Variants in FAT1 observed in about 807,000 individuals in gnomAD.
FAT1 encodes the protein FAT atypical cadherin 1.
In FAT1, 171 loss-of-function variants were observed where a neutral mutation model predicts 329.8. The observed-to-expected ratio is 0.52, with a 90% CI of 0.46 to 0.59. The LOEUF is 0.59. Ranked by LOEUF, FAT1 falls within the 20% of genes least tolerant of loss-of-function variation. The pLI, the probability that FAT1 is intolerant of heterozygous loss-of-function variation, is 0.00. For missense variants in FAT1, 5,672 were observed against 5,774.4 expected (o/e 0.98, Z 0.57); for synonymous variants, 2,233 against 2,228.6 (o/e 1.00, Z -0.06).
In FAT1 at chr4:186,702,387, C is replaced by T. The variant is rs186267890; in HGVS notation, c.3265+4176G>A. On this transcript the variant is annotated intron_variant, in intron 2 of 26. Coordinates refer to ENST00000441802, the MANE Select transcript of FAT1 (RefSeq NM_005245.4). ...TTATCTTAATGAAAAACACGGGCTC[C>T]CCAAATAAGTAGAGTCAGAAGGGGA... 2.0e-5 allele frequency among the ~76,000 whole-genome samples: 3 copies of T among 152,236 alleles called. No homozygotes were observed. In the East Asian group the frequency reaches 5.8e-4, roughly 29 times the overall value.
At chr4:186,597,272 C>CT in intron 24 of FAT1, 101 bp from the exon 25 acceptor site, 1 of 1,270,104 alleles carries the variant, frequency 7.9e-7, no homozygotes, top group South Asian at 1.6e-5. Context: ...CCTTGATGAG[C>CT]TATGTGAAGA....
chr4:186,641,359 A>C (rs1298432660), intron 3 of FAT1, among the ~76,000 whole-genome samples: 2 of 152,222 alleles, frequency 1.3e-5, no homozygotes, highest in African/African-American at 4.8e-5. Flanking sequence ...GCACAAGCTT[A>C]ATTTTCATTA....
chr4:186,597,332 G>C, intron 24 of FAT1, 161 bp from the exon 25 acceptor site: 7 of 724,336 alleles, frequency 9.7e-6, no homozygotes, highest in Admixed American at 3.3e-5. Context: ...ACAACCACGA[G>C]AAAAGACCTT....
At chr4:186,609,352 A>C (rs750032507) in intron 15 of FAT1, 32 bp from the exon 16 acceptor site, 1 of 1,603,560 alleles carries the variant, frequency 6.2e-7, no homozygotes, top group South Asian at 1.1e-5. Context: ...TTTAGGAGAC[A>C]GCTAAGAAGA....
At position 186,614,181 on chromosome 4, in the gene FAT1, C is replaced by T; in HGVS notation, c.9229+10G>A. The T allele has an allele frequency of 6.3e-7, 1 of 1,587,234 alleles. No homozygotes were observed. Among genetic ancestry groups the T allele is most frequent in the Non-Finnish European group, 8.5e-7 (1 of 1,171,534 alleles). On this transcript the variant is annotated intron_variant, in intron 12 of 26. Transcript: ENST00000441802. ...TATACAATTTATTTTGTCCCAAACT[C>T]CATCATTACCTGTGTCTGGATTTAG...
chr4:186,715,738 G>T (rs1745179389), intron 1 of FAT1, among the ~76,000 whole-genome samples: 1 of 152,168 alleles, frequency 6.6e-6, no homozygotes, highest in Non-Finnish European at 1.5e-5. Context: ...TAAACTCACT[G>T]CAATTTGGGA....
At position 186,636,765 on chromosome 4, in the gene FAT1, T is replaced by G. The variant is rs1412010900; in HGVS notation, c.3792A>C (p.Arg1264Ser). Residue 1264 changes from arginine to serine, a missense_variant, in exon 5 of 27, where the codon AGA becomes AGC. This residue lies in a region of FAT1 where 3,966 missense variants were observed against 3,915.2 expected (regional missense o/e 1.01). Coordinates refer to ENST00000441802, the MANE Select transcript of FAT1 (RefSeq NM_005245.4). ...LPEREKPDRE[R>S]NARREPLYHV... ...GATAGAGCGGCTCCCGTCTGGCATT[T>G]CTTTCTCGGTCTGGCTTTTCCCGCT... is the stretch of plus-strand genomic sequence containing the variant. 1 of 1,613,868 alleles carries G rather than the reference T, an allele frequency of 6.2e-7. No homozygotes were observed. The highest frequency in any genetic ancestry group is 8.5e-7 in the Non-Finnish European group (1 of 1,179,892).
At chr4:186,725,683 C>G (rs1745695948), upstream of FAT1, among the ~76,000 whole-genome samples, 1 of 152,062 alleles carries the variant, frequency 6.6e-6, no homozygotes, top group Admixed American at 6.6e-5. The surrounding 1 kb of genome is among the most constrained non-coding windows in gnomAD (Gnocchi z 5.4). Context: ...TACCACAAAT[C>G]GAATTATTTT....
Position 186,646,004 on chromosome 4 carries a change from C to CACACACACACACACAT in FAT1, c.3581-6222_3581-6221insATGTGTGTGTGTGTGT, listed in dbSNP as rs1491403367. On this transcript the variant is annotated intron_variant, in intron 3 of 26. Transcript: ENST00000441802. ...ACACACACACACACACACACACACA[C>CACACACACACACACAT]ATGAAAGATGGCAGCTAGAAAAGGA... Among the ~76,000 whole-genome samples the CACACACACACACACAT allele has an allele frequency of 1.0e-3, 138 of 135,014 alleles. 2 individuals carry two copies. The highest frequency in any genetic ancestry group is 3.5e-3 in the African/African-American group (124 of 35,594). The allele number at this position is 135,014 out of a possible 152,430, so 88.6% of individuals were successfully genotyped here. A position where few individuals can be genotyped will look rare whatever the true frequency, so the allele number is the denominator to read the frequency against.
intron 6 of FAT1, 137 bp downstream of exon 6, chr4:186,635,884 TTATA>T: frequency 8.5e-6 from 6 of 701,828 alleles, no homozygotes; most frequent in East Asian, 2.7e-5. Context: ...AATCAAAATA[TTATA>T]GTTGAAAGCA....
chr4:186,679,873 A>G (rs1415305550), intron 2 of FAT1, among the ~76,000 whole-genome samples: 1 of 152,206 alleles, frequency 6.6e-6, no homozygotes, highest in Non-Finnish European at 1.5e-5. Context: ...TTGCTGTAGC[A>G]GGCTATTTGT....
chr4:186,632,011 T>C (rs769329102), intron 7 of FAT1, among the ~76,000 whole-genome samples: 101 of 152,222 alleles, frequency 6.6e-4, no homozygotes, highest in Non-Finnish European at 1.2e-3. Flanking sequence ...TCTCTTATAG[T>C]CCGACTGCCT....
chr4:186,591,089 A>G (rs1738219740), intron 26 of FAT1, among the ~76,000 whole-genome samples: 1 of 152,166 alleles, frequency 6.6e-6, no homozygotes, highest in Non-Finnish European at 1.5e-5. Context: ...TCCCACTATC[A>G]GTTAGGGCCA....
At chr4:186,670,862 C>T (rs965834334) in intron 2 of FAT1, among the ~76,000 whole-genome samples, 1 of 152,030 alleles carries the variant, frequency 6.6e-6, no homozygotes, top group African/African-American at 2.4e-5. Flanking sequence ...GAGCTTGGAC[C>T]ACAGAAGGCA....
rs1738914441 is a variant in FAT1 at position 186,603,350 on chromosome 4, T to C, written c.11176A>G (p.Ile3726Val). ...NSSVTDIEEI[I>V]GVRILNVFQK... Reference sequence around the variant, plus strand: ...AATACATTCAGTATCCTAACTCCAATGATTTCCTCAATGTCAGTCACGGAA... The same window carrying C: ...AATACATTCAGTATCCTAACTCCAACGATTTCCTCAATGTCAGTCACGGAA... The change falls in exon 19 of 27, where the codon ATT becomes GTT. Residue 3726 changes from isoleucine (I) to valine (V), a missense_variant. Ile to Val is a conservative substitution (Grantham distance 29). Transcript: ENST00000441802. 1.2e-6 allele frequency: 2 copies of C among 1,614,038 alleles called. No individual in the cohort carries two copies. Among genetic ancestry groups the C allele is most frequent in the Non-Finnish European group, 1.7e-6 (2 of 1,179,896 alleles).
rs920273079 is a variant in FAT1 at position 186,708,404 on chromosome 4, T to G, written c.1424A>C (p.Asn475Thr). 1.9e-6 allele frequency: 3 copies of G among 1,613,954 alleles called. No individual in the cohort carries two copies. The African/African-American group carries it at 4.0e-5, about 22-fold the overall frequency. ...CATGACAGTAGTACCAATGGGCACG[T>G]TCTCATCAAAAGCAGCTTTGTACGC... ...QTAYKAAFDE[N>T]VPIGTTVMSL... The change falls in exon 2 of 27, where the codon AAC (asparagine) becomes ACC (threonine). Residue 475 changes from asparagine (N) to threonine (T), a missense_variant. Asn to Thr is a moderately conservative substitution (Grantham distance 65). Around this residue, in one of 2 missense-constraint regions of FAT1, gnomAD observed 3,966 missense variants for 3,915.2 expected, o/e 1.01. Transcript: ENST00000441802.
At chr4:186,624,408 C>T (rs1415750284) in intron 9 of FAT1, among the ~76,000 whole-genome samples, 1 of 152,178 alleles carries the variant, frequency 6.6e-6, no homozygotes, top group African/African-American at 2.4e-5. Context: ...CGTTGACTCT[C>T]AAGGCAATTA....
rs796166379 is a variant in FAT1, at chr4:186,622,611, T to C, written c.4811-836A>G. On this transcript the variant is annotated intron_variant, in intron 9 of 26. Coordinates refer to ENST00000441802, the MANE Select transcript of FAT1 (RefSeq NM_005245.4). The stretch of plus-strand genomic sequence containing the variant: ...TTTTACCTCCTTTTCTTTGGACCTT[T>C]TCAGGCTATACTGTATGTATCTTTA... Among the ~76,000 whole-genome samples the C allele has an allele frequency of 3.6e-4, 55 of 152,330 alleles. 1 individual carries two copies. The highest frequency in any genetic ancestry group is 1.3e-3 in the African/African-American group (54 of 41,576).
rs757038952 is a variant in FAT1, at chr4:186,619,927, T to A, written c.6659A>T (p.Asp2220Val). ...EGLKVFYSIT[D>V]GDPFSQFTIN... ...AGTGAACTGGCTGAAAGGGTCTCCGTCTGTGATGCTGTAGAACACTTTCAG... is the reference window on the plus strand; with the variant it reads ...AGTGAACTGGCTGAAAGGGTCTCCGACTGTGATGCTGTAGAACACTTTCAG... Residue 2220 changes from aspartate (D) to valine (V), a missense_variant, in exon 10 of 27, where the codon GAC (aspartate) becomes GTC (valine). Transcript: ENST00000441802. 11 of 1,613,986 alleles carry A rather than the reference T, an allele frequency of 6.8e-6. No homozygotes were observed. The South Asian group carries it at 1.2e-4, about 18-fold the overall frequency.
Sources: gnomAD v4.1 joint callset for allele counts (sites outside exome capture counted in the v4.1 genomes callset) on GRCh38, gnomAD v4.1.1 for gene constraint, gnomAD v4.1.1 regional missense constraint, Gnocchi (gnomAD v3.1) non-coding constraint, MANE v1.5 for transcripts, NCBI Gene and HGNC (gene_info 2026-07-23, HGNC 2026-07-21) for gene names.